The following CFAP77 variants were observed in gnomAD, a reference collection of about 807,000 sequenced individuals.
CFAP77 encodes cilia- and flagella-associated protein 77.
A neutral mutation model predicts 31.1 loss-of-function variants in CFAP77; 25 were observed. That is an observed-to-expected ratio of 0.80 (90% CI 0.59 to 1.12). The LOEUF (loss-of-function observed/expected upper bound fraction) is 1.12. CFAP77 is among the 50% of genes most tolerant of loss of function. The pLI, the probability that CFAP77 is intolerant of heterozygous loss-of-function variation, is 0.00. For missense variants in CFAP77, 377 were observed against 397.3 expected (o/e 0.95, Z 0.44); for synonymous variants, 151 against 159.9 (o/e 0.94, Z 0.42).
intron 1 of CFAP77, among the ~76,000 whole-genome samples, chr9:132,452,147 G>A (rs962607066): frequency 6.6e-6 from 1 of 152,090 alleles, no homozygotes; most frequent in African/African-American, 2.4e-5. Context: ...CTCCCCCATT[G>A]CGAGCCCATT....
intron 1 of CFAP77, among the ~76,000 whole-genome samples, chr9:132,485,367 T>C (rs59279672): frequency 0.029 from 4,485 of 152,258 alleles, 223 homozygotes; most frequent in African/African-American, 0.1. Flanking sequence ...AGGTTAAGCA[T>C]TATAACTTGC....
intron 3 of CFAP77, among the ~76,000 whole-genome samples, chr9:132,506,766 A>T (rs1851937183): frequency 6.6e-6 from 1 of 152,194 alleles, no homozygotes; most frequent in Non-Finnish European, 1.5e-5. Context: ...CTCAGTGAGT[A>T]CAAAGTTAGC....
At chr9:132,459,585 ATG>A (rs1227822675) in intron 1 of CFAP77, among the ~76,000 whole-genome samples, 2 of 139,194 alleles carry the variant, frequency 1.4e-5, no homozygotes, top group East Asian at 2.1e-4. Context: ...ATGTATGTGT[ATG>A]TATATATATA....
intron 1 of CFAP77, among the ~76,000 whole-genome samples, chr9:132,487,140 A>G (rs557596098): frequency 3.9e-4 from 60 of 152,374 alleles, no homozygotes; most frequent in African/African-American, 1.4e-3. Flanking sequence ...CAGCAGTAAT[A>G]GAAGCCATCG....
rs1476602964 is a variant in CFAP77 at position 132,430,546 on chromosome 9, C to T, written c.195+20080C>T. Among the ~76,000 whole-genome samples, 4 of 152,304 alleles carry T rather than the reference C, an allele frequency of 2.6e-5. No individual in the cohort carries two copies. In the East Asian group the frequency reaches 7.7e-4, roughly 29 times the overall value. Reference sequence around the variant, plus strand: ...CAGAGCTATCCTGTGAACTAGAAAACCACTCCTTTGTTGCGATCTGAAGAA... The same window carrying T: ...CAGAGCTATCCTGTGAACTAGAAAATCACTCCTTTGTTGCGATCTGAAGAA... On this transcript the variant is annotated intron_variant, in intron 1 of 5. Transcript: ENST00000393216.
intron 1 of CFAP77, among the ~76,000 whole-genome samples, chr9:132,494,603 A>C (rs561155804): frequency 6.6e-6 from 1 of 152,310 alleles, no homozygotes; most frequent in Admixed American, 6.5e-5. Context: ...GATGTCCAGG[A>C]TGGAATTGTT....
intron 5 of CFAP77, among the ~76,000 whole-genome samples, chr9:132,566,552 C>A (rs1829886020): frequency 6.6e-6 from 1 of 152,140 alleles, no homozygotes; most frequent in South Asian, 2.1e-4. Context: ...AGCTACGAGG[C>A]CCGTTGAGGA....
At position 132,552,339 on chromosome 9, in the gene CFAP77, C is replaced by T. The variant is rs1424632532; in HGVS notation, c.732+9292C>T. On this transcript the variant is annotated intron_variant, in intron 5 of 5. Coordinates refer to ENST00000393216, the MANE Select transcript of CFAP77 (RefSeq NM_001282957.2). This position sits in a 1 kb window ranked among gnomAD's most constrained non-coding sequence, Gnocchi z 5.5. ...AGGGACGAGGCCCTGGAAGCTGCTC[C>T]TTTAGATGAGTTATTCGAAAACTTG... Among the ~76,000 whole-genome samples, 1 of 152,228 alleles carries T rather than the reference C, an allele frequency of 6.6e-6. No individual in the cohort carries two copies. The highest frequency in any genetic ancestry group is 1.5e-5 in the Non-Finnish European group (1 of 68,042).
chr9:132,498,851 C>A lies in CFAP77; in HGVS notation c.295+57C>A. Reference sequence around the variant, plus strand: ...AGGAGTGGGAGGGAGGCTCACCCCTCTTCACAGACCCCTTGACCTAGCTCG... The same window carrying A: ...AGGAGTGGGAGGGAGGCTCACCCCTATTCACAGACCCCTTGACCTAGCTCG... On this transcript the variant is annotated intron_variant, in intron 2 of 5. Transcript: ENST00000393216. The surrounding 1 kb of genome is among the most constrained non-coding windows in gnomAD (Gnocchi z 4.2). 1 of 1,255,112 alleles carries A rather than the reference C, an allele frequency of 8.0e-7. No individual in the cohort carries two copies. Among genetic ancestry groups the A allele is most frequent in the Non-Finnish European group, 1.1e-6 (1 of 875,722 alleles). 77.7% of individuals were successfully genotyped at this position (1,255,112 alleles called of 1,614,324 possible). A position where few individuals can be genotyped will look rare whatever the true frequency, so the allele number is the denominator to read the frequency against.
rs534096471 is a variant in CFAP77 at position 132,519,779 on chromosome 9, G to C, written c.525-17822G>C. Among the ~76,000 whole-genome samples, 20 of 143,624 alleles carry C rather than the reference G, an allele frequency of 1.4e-4. No individual in the cohort carries two copies. The East Asian group carries it at 3.6e-3, about 26-fold the overall frequency. 94.2% of individuals were successfully genotyped at this position (143,624 alleles called of 152,430 possible). Reference sequence around the variant, plus strand: ...GGATGGATGGATGGATGGGTGGATAGATGGATGGATGGATGGATGGATGAA... The same window carrying C: ...GGATGGATGGATGGATGGGTGGATACATGGATGGATGGATGGATGGATGAA... On this transcript the variant is annotated intron_variant, in intron 3 of 5. Transcript: ENST00000393216.
intron 4 of CFAP77, among the ~76,000 whole-genome samples, chr9:132,538,290 CT>C (rs1852582141): frequency 6.6e-6 from 1 of 152,216 alleles, no homozygotes; most frequent in Non-Finnish European, 1.5e-5. Flanking sequence ...ATTGTAATCG[CT>C]GCTTCCCAGG....
chr9:132,410,288 G>T lies in CFAP77; in HGVS notation c.17G>T (p.Ser6Ile), dbSNP rs1479188235. The T allele has an allele frequency of 3.2e-6, 5 of 1,581,646 alleles. No individual in the cohort carries two copies. Among genetic ancestry groups the T allele is most frequent in the Non-Finnish European group, 4.3e-6 (5 of 1,165,946 alleles). Residue 6 changes from serine (S) to isoleucine (I), a missense_variant, in exon 1 of 6, where the codon AGC (serine) becomes ATC (isoleucine). By Grantham distance (142) the Ser-to-Ile change is moderately radical (BLOSUM62 -2). Coordinates refer to ENST00000393216, the MANE Select transcript of CFAP77 (RefSeq NM_001282957.2). ...ACCTCAAGGATGCCAGAGGCCAGGA[G>T]CTCCGGCCCGGACCTCACGCGATGG... MPEARSSGPDLTRWRK... is the reference protein window; with the variant it reads MPEARISGPDLTRWRK...
intron 3 of CFAP77, among the ~76,000 whole-genome samples, chr9:132,509,020 T>G (rs1327396737): frequency 6.6e-6 from 1 of 152,182 alleles, no homozygotes; most frequent in Admixed American, 6.5e-5. Flanking sequence ...GCCAGTGGCC[T>G]GGTGCGGAGG....
chr9:132,438,539 A>T (rs375888085), intron 1 of CFAP77, among the ~76,000 whole-genome samples: 6,436 of 114,640 alleles, frequency 0.056, 229 homozygotes, highest in Non-Finnish European at 0.08. Context: ...ATATATATAT[A>T]TATTTTTTTT....
chr9:132,526,523 C>T (rs1029361675), intron 3 of CFAP77, among the ~76,000 whole-genome samples: 6 of 146,390 alleles, frequency 4.1e-5, no homozygotes, highest in East Asian at 2.2e-4. Context: ...TGAGCCACAG[C>T]GCCCGACCGG....
At chr9:132,413,404 G>A (rs1850043096) in intron 1 of CFAP77, among the ~76,000 whole-genome samples, 1 of 152,160 alleles carries the variant, frequency 6.6e-6, no homozygotes, top group Non-Finnish European at 1.5e-5. Flanking sequence ...AATCAAGTCG[G>A]TGTTTTACAT....
chr9:132,505,382 C>T (rs192787303), intron 3 of CFAP77, among the ~76,000 whole-genome samples: 25 of 152,320 alleles, frequency 1.6e-4, no homozygotes, highest in Admixed American at 1.0e-3. Context: ...CAATCCACAC[C>T]GATTTGCTGC....
At chr9:132,535,824 T>C (rs1852531817) in intron 3 of CFAP77, among the ~76,000 whole-genome samples, 1 of 152,196 alleles carries the variant, frequency 6.6e-6, no homozygotes, top group African/African-American at 2.4e-5. Flanking sequence ...CTGTTGTTAT[T>C]TGGGGTAGAT....
intron 1 of CFAP77, among the ~76,000 whole-genome samples, chr9:132,462,049 T>C (rs569333846): frequency 6.6e-6 from 1 of 152,328 alleles, no homozygotes; most frequent in East Asian, 1.9e-4. Context: ...TCCTTCATTT[T>C]ATGGGCGAGA....
Sources: allele counts gnomAD v4.1 joint callset (sites outside exome capture counted in the v4.1 genomes callset), GRCh38; gene constraint gnomAD v4.1.1; non-coding constraint Gnocchi (gnomAD v3.1); transcripts MANE v1.5; gene names NCBI Gene and HGNC (gene_info 2026-07-23, HGNC 2026-07-21).